SLC23A2: variants seen among roughly 807,000 people sequenced by gnomAD.
SLC23A2 encodes the protein Na(+)/L-ascorbic acid transporter 2.
In SLC23A2, 36 loss-of-function variants were observed where a neutral mutation model predicts 73.3. That is an observed-to-expected ratio of 0.49 (90% CI 0.38 to 0.65). The LOEUF (loss-of-function observed/expected upper bound fraction) is 0.65, where lower values mean the gene tolerates loss of function less well. SLC23A2 is among the 30% of genes least tolerant of loss of function. The probability of loss-of-function intolerance (pLI) is 0.00; values close to 1 mark genes in which losing one functional copy is unlikely to be tolerated. For missense variants in SLC23A2, 507 were observed against 841.6 expected (o/e 0.60, Z 4.92); for synonymous variants, 343 against 327.3 (o/e 1.05, Z -0.52).
chr20:4,864,304 G>GGT (rs926284061), intron 13 of SLC23A2, among the ~76,000 whole-genome samples: 22 of 152,182 alleles, frequency 1.4e-4, no homozygotes, highest in Admixed American at 5.2e-4. Context: ...ACACGTGGCT[G>GGT]GTGCAGCTGT....
chr20:4,969,870 G>A (rs2087535440), intron 2 of SLC23A2, among the ~76,000 whole-genome samples: 1 of 152,070 alleles, frequency 6.6e-6, no homozygotes, highest in Admixed American at 6.6e-5. Flanking sequence ...CACTACTACT[G>A]CTAAGATGTT....
intron 1 of SLC23A2, among the ~76,000 whole-genome samples, chr20:4,973,118 A>G (rs1462188713): frequency 1.3e-5 from 2 of 152,258 alleles, no homozygotes; most frequent in South Asian, 4.1e-4. Flanking sequence ...GGATAATTAC[A>G]TAGTATGCAT....
rs562326178 is a variant in SLC23A2, at chr20:4,905,294, G to T, written c.208-2736C>A. Among the ~76,000 whole-genome samples the T allele has an allele frequency of 7.2e-5, 11 of 152,158 alleles. No homozygotes were observed. In the East Asian group the frequency reaches 1.9e-3, roughly 27 times the overall value. On this transcript the variant is annotated intron_variant, in intron 4 of 16. Coordinates refer to ENST00000338244, the MANE Select transcript of SLC23A2 (RefSeq NM_005116.6). ...AACTGGTACTAAAATGATACAGGAG[G>T]GGGCTGTGTGGTCAAGAGGATCAGA... is the stretch of plus-strand genomic sequence containing the variant.
chr20:4,879,349 C>T (rs1930785986), intron 9 of SLC23A2, among the ~76,000 whole-genome samples: 1 of 129,320 alleles, frequency 7.7e-6, no homozygotes, highest in Admixed American at 9.6e-5. Context: ...GTGGTGGTTG[C>T]AGTAAGCGAG....
chr20:4,926,804 TTTTG>T (rs1444931372), intron 3 of SLC23A2, among the ~76,000 whole-genome samples: 1 of 151,936 alleles, frequency 6.6e-6, no homozygotes, highest in Non-Finnish European at 1.5e-5. Context: ...TGTGTGGGTG[TTTTG>T]TTTTATTTTG....
intron 1 of SLC23A2, among the ~76,000 whole-genome samples, chr20:5,008,513 C>T (rs768755065): frequency 6.6e-6 from 1 of 152,148 alleles, no homozygotes; most frequent in Admixed American, 6.6e-5. Context: ...ATGGAAGTAA[C>T]CTCTTACCCT....
At chr20:4,928,409 C>T (rs1932741936) in intron 3 of SLC23A2, among the ~76,000 whole-genome samples, 1 of 152,154 alleles carries the variant, frequency 6.6e-6, no homozygotes, top group Admixed American at 6.5e-5. Context: ...CCTTTGTAAA[C>T]ATTCTTTGAT....
intron 4 of SLC23A2, among the ~76,000 whole-genome samples, chr20:4,903,867 G>T (rs1173417953): frequency 6.6e-6 from 1 of 152,248 alleles, no homozygotes; most frequent in Non-Finnish European, 1.5e-5. Context: ...GAGGGGTGTA[G>T]CATGTAGTGA....
chr20:4,895,593 C>A (rs1931489222), intron 6 of SLC23A2, among the ~76,000 whole-genome samples: 1 of 152,080 alleles, frequency 6.6e-6, no homozygotes, highest in Admixed American at 6.6e-5. Context: ...AGGGAGAAGC[C>A]TTCTTTCATT....
At chr20:4,994,888 C>A (rs1229550768) in intron 1 of SLC23A2, among the ~76,000 whole-genome samples, 3 of 151,690 alleles carry the variant, frequency 2.0e-5, no homozygotes, top group Non-Finnish European at 4.4e-5. Context: ...GAGCCAAGAT[C>A]GCACCATTGC....
At chr20:4,884,267 G>A (rs911318952) in intron 8 of SLC23A2, among the ~76,000 whole-genome samples, 5 of 152,206 alleles carry the variant, frequency 3.3e-5, no homozygotes, top group African/African-American at 4.8e-5. Flanking sequence ...CCACATCTGT[G>A]CTCATTCTGA....
intron 1 of SLC23A2, among the ~76,000 whole-genome samples, chr20:4,987,422 G>C (rs2087848067): frequency 6.6e-6 from 1 of 152,112 alleles, no homozygotes. Flanking sequence ...CTCGCAGCAA[G>C]AAATCTGAGG....
chr20:4,940,706 T>C (rs1304304377), intron 2 of SLC23A2, among the ~76,000 whole-genome samples: 2 of 152,204 alleles, frequency 1.3e-5, no homozygotes, highest in African/African-American at 4.8e-5. Flanking sequence ...GTGAACATCT[T>C]TCCATAAAGT....
chr20:4,900,253 C>G (rs543551130), intron 5 of SLC23A2, among the ~76,000 whole-genome samples: 1 of 152,332 alleles, frequency 6.6e-6, no homozygotes, highest in South Asian at 2.1e-4. Context: ...CCATGCCTCA[C>G]AAAGGAAACA....
intron 3 of SLC23A2, among the ~76,000 whole-genome samples, chr20:4,921,184 A>G (rs1288410975): frequency 6.6e-6 from 1 of 152,260 alleles, no homozygotes; most frequent in African/African-American, 2.4e-5. Flanking sequence ...TCTGTTTCTA[A>G]TAACATTGAG....
chr20:4,859,383 C>A lies in SLC23A2; in HGVS notation c.1626G>T (p.Gly542=). Residue 542 remains glycine, a splice_region_variant and synonymous_variant, in exon 16 of 17, where the codon GGG becomes GGT. Coordinates refer to ENST00000338244, the MANE Select transcript of SLC23A2 (RefSeq NM_005116.6). ...TCAACACTTGATCGATTCCTGTTAT[C>A]CCTAGAAAGAGAACACAGCCATAAA... ...SYLRQNPLVT[G]ITGIDQVLNV... is the part of the protein sequence containing the mutation. 6.2e-7 allele frequency: 1 copy of A among 1,604,308 alleles called. No homozygotes were observed. The highest frequency in any genetic ancestry group is 8.5e-7 in the Non-Finnish European group (1 of 1,171,028).
At chr20:4,980,537 C>CTT (rs201662707) in intron 1 of SLC23A2, among the ~76,000 whole-genome samples, 2 of 144,530 alleles carry the variant, frequency 1.4e-5, no homozygotes, top group African/African-American at 2.5e-5. Flanking sequence ...TTTTTCTTTT[C>CTT]TTTTTTTTTT....
At chr20:4,858,040 G>C (rs1488793810) in intron 16 of SLC23A2, among the ~76,000 whole-genome samples, 1 of 152,140 alleles carries the variant, frequency 6.6e-6, no homozygotes, top group African/African-American at 2.4e-5. Flanking sequence ...ATCTGAGTTT[G>C]CAAAACAGGG....
At chr20:4,884,363 T>G (rs1931011740) in intron 8 of SLC23A2, among the ~76,000 whole-genome samples, 1 of 152,346 alleles carries the variant, frequency 6.6e-6, no homozygotes, top group East Asian at 1.9e-4. Flanking sequence ...CAATTGCACT[T>G]TGGCAGACAA....
Sources: gnomAD v4.1 joint callset for allele counts (sites outside exome capture counted in the v4.1 genomes callset) on GRCh38, gnomAD v4.1.1 for gene constraint, MANE v1.5 for transcripts, NCBI Gene and HGNC (gene_info 2026-07-23, HGNC 2026-07-21) for gene names.